Variants in WFDC1 observed in about 807,000 individuals in gnomAD.
WFDC1 encodes the protein WAP four-disulfide core domain protein 1.
Under a neutral mutation model 32.9 loss-of-function variants are expected in WFDC1, and 39 were observed. The ratio of observed to expected loss-of-function variants is 1.19; its 90% CI spans 0.92 to 1.55. The LOEUF is 1.55. WFDC1 is among the 40% of genes most tolerant of loss of function. The pLI, the probability that WFDC1 is intolerant of heterozygous loss-of-function variation, is 0.00. For missense variants in WFDC1, 386 were observed against 309.5 expected (o/e 1.25, Z -1.85); for synonymous variants, 184 against 137.4 (o/e 1.34, Z -2.37).
chr16:84,307,036 C>T (rs1421142817), intron 1 of WFDC1, among the ~76,000 whole-genome samples: 1 of 151,804 alleles, frequency 6.6e-6, no homozygotes, highest in African/African-American at 2.4e-5. Flanking sequence ...GAGAGCCGGG[C>T]AGATATGGTG....
At chr16:84,323,230 G>C (rs114797366) in intron 4 of WFDC1, among the ~76,000 whole-genome samples, 1 of 152,344 alleles carries the variant, frequency 6.6e-6, no homozygotes, top group East Asian at 1.9e-4. Context: ...ATAAATGTCC[G>C]TGCTGGTCCC....
intron 4 of WFDC1, among the ~76,000 whole-genome samples, chr16:84,321,618 A>G (rs1908308605): frequency 6.6e-6 from 1 of 152,206 alleles, no homozygotes; most frequent in African/African-American, 2.4e-5. Flanking sequence ...AAGGGTTCAA[A>G]CCAGTTAAAA....
chr16:84,301,042 C>G (rs8047281), intron 1 of WFDC1, among the ~76,000 whole-genome samples: 6,540 of 151,490 alleles, frequency 0.043, 428 homozygotes, highest in African/African-American at 0.14. Flanking sequence ...CATGCAAAGA[C>G]AGAGGGTTGC....
chr16:84,318,316 A>T lies in WFDC1; in HGVS notation c.382A>T (p.Asn128Tyr), dbSNP rs781009438. ...GCCGAAACCTCGATGGCTTGGTGGC[A>T]ATGGCTGGCTCCTGGATGGCCCTGA... ...VQPKPRWLGG[N>Y]GWLLDGPEEV... The change falls in exon 3 of 7, where the codon AAT becomes TAT. Residue 128 changes from asparagine to tyrosine, a missense_variant. Asn to Tyr is a moderately radical substitution (Grantham distance 143). Coordinates refer to ENST00000219454, the MANE Select transcript of WFDC1 (RefSeq NM_021197.4). 3 of 1,613,978 alleles carry T rather than the reference A, an allele frequency of 1.9e-6. No individual in the cohort carries two copies. The highest frequency in any genetic ancestry group is 2.5e-6 in the Non-Finnish European group (3 of 1,179,990).
chr16:84,308,819 T>C (rs1052124546), intron 1 of WFDC1, among the ~76,000 whole-genome samples: 32 of 149,180 alleles, frequency 2.1e-4, no homozygotes, highest in Non-Finnish European at 3.9e-4. Context: ...GTAGATGCCA[T>C]CCTCAGTGTA....
chr16:84,319,173 G>A, intron 3 of WFDC1: 1 of 538,624 alleles, frequency 1.9e-6, no homozygotes, highest in East Asian at 3.1e-5. Flanking sequence ...ATGTTGCTGA[G>A]CCTGTGAGAG....
chr16:84,327,742 T>A (rs976018239), intron 6 of WFDC1: 18 of 152,220 alleles, frequency 1.2e-4, no homozygotes, highest in African/African-American at 4.1e-4. Flanking sequence ...TTCCTTTGCC[T>A]TGATGTCTCC....
intron 4 of WFDC1, among the ~76,000 whole-genome samples, chr16:84,320,270 A>C (rs1203186093): frequency 2.6e-5 from 4 of 152,214 alleles, no homozygotes; most frequent in African/African-American, 9.6e-5. Context: ...GGTGTTCAGT[A>C]GGTTAACTGT....
intron 2 of WFDC1, among the ~76,000 whole-genome samples, chr16:84,315,846 A>C (rs550111211): frequency 6.6e-6 from 1 of 152,300 alleles, no homozygotes; most frequent in African/African-American, 2.4e-5. Flanking sequence ...GGTCTGTCCA[A>C]AGCAGACCCA....
intron 4 of WFDC1, among the ~76,000 whole-genome samples, chr16:84,321,589 C>G (rs1207430044): frequency 1.3e-5 from 2 of 152,140 alleles, no homozygotes; most frequent in African/African-American, 4.8e-5. Context: ...CAAGGTCAAA[C>G]CAAGTCAAAC....
chr16:84,314,760 G>A (rs957135372), intron 2 of WFDC1, among the ~76,000 whole-genome samples: 2 of 152,170 alleles, frequency 1.3e-5, no homozygotes, highest in African/African-American at 4.8e-5. Flanking sequence ...CCCTCATGGT[G>A]GACAAGCACA....
At chr16:84,312,383 C>G (rs1907683827) in intron 1 of WFDC1, among the ~76,000 whole-genome samples, 1 of 152,066 alleles carries the variant, frequency 6.6e-6, no homozygotes, top group African/African-American at 2.4e-5. Flanking sequence ...TGTTTTTGAG[C>G]TGCAAATATA....
intron 4 of WFDC1, among the ~76,000 whole-genome samples, chr16:84,323,990 C>T (rs913009264): frequency 2.0e-4 from 30 of 152,168 alleles, no homozygotes; most frequent in African/African-American, 7.2e-4. Context: ...TGTGGTGGCG[C>T]ATGCCTGTAA....
chr16:84,312,955 C>A lies in WFDC1; in HGVS notation c.145-6C>A. 1 of 1,155,690 alleles carries A rather than the reference C, an allele frequency of 8.7e-7. No homozygotes were observed. Among genetic ancestry groups the A allele is most frequent in the Non-Finnish European group, 1.1e-6 (1 of 939,948 alleles). The allele number at this position is 1,155,690 out of a possible 1,614,324, so 71.6% of individuals were successfully genotyped here. ...CAGAGCTGCTGACACCGCCCTCTCC[C>A]CGCAGGCCGAGGAGGCGGGCGCGCC... is the stretch of plus-strand genomic sequence containing the variant. On this transcript the variant is annotated splice_region_variant and splice_polypyrimidine_tract_variant and intron_variant, in intron 1 of 6. Coordinates refer to ENST00000219454, the MANE Select transcript of WFDC1 (RefSeq NM_021197.4).
Position 84,318,257 on chromosome 16 carries a change from C to T in WFDC1, c.338-15C>T, listed in dbSNP as rs1236326795. 6.8e-6 allele frequency: 11 copies of T among 1,613,810 alleles called. No homozygotes were observed. The East Asian group carries it at 1.8e-4, about 26-fold the overall frequency. ...TGCTTGAGGAGGGCCCTGATCTGAC[C>T]CCGTATTGTGTTAGTCTTAGACTGG... On this transcript the variant is annotated splice_polypyrimidine_tract_variant and intron_variant, in intron 2 of 6. Transcript: ENST00000219454.
intron 4 of WFDC1, among the ~76,000 whole-genome samples, chr16:84,320,867 C>CT (rs11428489): frequency 0.6 from 91,056 of 151,328 alleles, 27,756 homozygotes; most frequent in East Asian, 0.73. Flanking sequence ...GCCAAAACCT[C>CT]TTTTTTTTTC....
At chr16:84,314,245 G>T (rs1188272354) in intron 2 of WFDC1, among the ~76,000 whole-genome samples, 1 of 152,150 alleles carries the variant, frequency 6.6e-6, no homozygotes, top group Non-Finnish European at 1.5e-5. Flanking sequence ...TGAAGAGAAG[G>T]TTTGGGAAGG....
chr16:84,313,320 G>T (rs1186050553), intron 2 of WFDC1, among the ~76,000 whole-genome samples, 167 bp downstream of exon 2: 2 of 152,204 alleles, frequency 1.3e-5, no homozygotes, highest in African/African-American at 2.4e-5. Flanking sequence ...TTGAGCAGGC[G>T]TGGCGCTGCT....
At chr16:84,311,206 G>T (rs1172069360) in intron 1 of WFDC1, among the ~76,000 whole-genome samples, 2 of 151,470 alleles carry the variant, frequency 1.3e-5, no homozygotes, top group African/African-American at 4.9e-5. Context: ...TGATCTTATT[G>T]GTCACTCACC....
Sources: allele counts gnomAD v4.1 joint callset (sites outside exome capture counted in the v4.1 genomes callset), GRCh38; gene constraint gnomAD v4.1.1; transcripts MANE v1.5; gene names NCBI Gene and HGNC (gene_info 2026-07-23, HGNC 2026-07-21).